Variants in CCSER1 observed in about 807,000 individuals in gnomAD.
CCSER1 encodes serine-rich coiled-coil domain-containing protein 1.
CCSER1 carries 41 observed loss-of-function variants against 82.0 expected under a neutral mutation model. That is an observed-to-expected ratio of 0.50 (90% CI 0.39 to 0.65). The LOEUF is 0.65. Ranked by LOEUF, CCSER1 falls within the 30% of genes least tolerant of loss-of-function variation. The pLI, the probability that CCSER1 is intolerant of heterozygous loss-of-function variation, is 0.00. For synonymous variants in CCSER1, 414 were observed against 383.9 expected (o/e 1.08, Z -0.92); for missense variants, 1,119 against 1,064.2 (o/e 1.05, Z -0.72).
chr4:90,896,715 T>C (rs1723774542), intron 8 of CCSER1, among the ~76,000 whole-genome samples: 1 of 151,962 alleles, frequency 6.6e-6, no homozygotes. Flanking sequence ...TTATTTCTAG[T>C]GACATTTTTG....
At chr4:90,741,556 A>G (rs1746557117) in intron 7 of CCSER1, among the ~76,000 whole-genome samples, 3 of 152,362 alleles carry the variant, frequency 2.0e-5, no homozygotes, top group African/African-American at 7.2e-5. Flanking sequence ...TATTTTTGAT[A>G]TAATATCATT....
chr4:91,014,672 G>A (rs1254407849), intron 9 of CCSER1, among the ~76,000 whole-genome samples: 16 of 82,464 alleles, frequency 1.9e-4, no homozygotes, highest in East Asian at 5.2e-4. Context: ...CAAAGTCTAA[G>A]CAAATGTAAA....
intron 4 of CCSER1, among the ~76,000 whole-genome samples, chr4:90,410,096 A>G (rs896566067): frequency 1.3e-5 from 2 of 152,218 alleles, no homozygotes; most frequent in African/African-American, 4.8e-5. Flanking sequence ...CTAAATATGC[A>G]TGCACCCATT....
At chr4:90,153,411 T>G (rs992482634) in intron 1 of CCSER1, among the ~76,000 whole-genome samples, 48 of 152,254 alleles carry the variant, frequency 3.2e-4, no homozygotes, top group African/African-American at 1.1e-3. Context: ...AGTAATGGGA[T>G]GGCTGGGTCA....
chr4:90,469,117 T>C (rs559901679), intron 5 of CCSER1, among the ~76,000 whole-genome samples: 15 of 152,218 alleles, frequency 9.9e-5, no homozygotes, highest in African/African-American at 3.6e-4. Flanking sequence ...GATTTTGGGC[T>C]GACCACCGTA....
intron 5 of CCSER1, among the ~76,000 whole-genome samples, chr4:90,521,735 C>T (rs962735314): frequency 6.6e-6 from 1 of 151,822 alleles, no homozygotes; most frequent in African/African-American, 2.4e-5. Context: ...ATAAATAAAA[C>T]TACTGACTTA....
rs568089617 is a variant in CCSER1 at position 91,225,999 on chromosome 4, T to A, written c.2217+140005T>A. Among the ~76,000 whole-genome samples the A allele has an allele frequency of 1.1e-4, 16 of 151,996 alleles. 1 individual carries two copies. In the South Asian group the frequency reaches 3.3e-3, roughly 31 times the overall value. ...TTGACAGACAAAAACATTAGCAGAATTAAATTCCTTTTTTTAAAATTATAC... is the reference window on the plus strand; with the variant it reads ...TTGACAGACAAAAACATTAGCAGAAATAAATTCCTTTTTTTAAAATTATAC... On this transcript the variant is annotated intron_variant, in intron 10 of 10. Coordinates refer to ENST00000509176, the MANE Select transcript of CCSER1 (RefSeq NM_001145065.2).
chr4:90,582,215 G>C (rs990775674), intron 5 of CCSER1, among the ~76,000 whole-genome samples: 1 of 152,092 alleles, frequency 6.6e-6, no homozygotes, highest in Admixed American at 6.5e-5. Flanking sequence ...TGTGGCTCAA[G>C]GCAGAATATT....
intron 10 of CCSER1, among the ~76,000 whole-genome samples, chr4:91,406,930 C>A (rs907044853): frequency 6.6e-6 from 1 of 152,048 alleles, no homozygotes; most frequent in African/African-American, 2.4e-5. Flanking sequence ...CACAACATGG[C>A]ACATTGAAGA....
At chr4:90,747,114 T>TA (rs920567484) in intron 7 of CCSER1, among the ~76,000 whole-genome samples, 30 of 151,398 alleles carry the variant, frequency 2.0e-4, no homozygotes, top group African/African-American at 7.0e-4. Flanking sequence ...AGACAGAAAA[T>TA]AAAAAAAGAA....
intron 5 of CCSER1, among the ~76,000 whole-genome samples, chr4:90,545,571 A>G (rs538145379): frequency 6.6e-6 from 1 of 152,132 alleles, no homozygotes; most frequent in South Asian, 2.1e-4. Flanking sequence ...GCCTTCAATC[A>G]TTACTCCTCA....
chr4:91,565,058 GT>G (rs1762824756), intron 10 of CCSER1, among the ~76,000 whole-genome samples: 1 of 144,366 alleles, frequency 6.9e-6, no homozygotes, highest in African/African-American at 2.5e-5. Context: ...GTGTGTGTGT[GT>G]GTGTGTGTGT....
At chr4:90,956,216 CAATAA>C (rs1451354360) in intron 9 of CCSER1, among the ~76,000 whole-genome samples, 1 of 152,058 alleles carries the variant, frequency 6.6e-6, no homozygotes, top group Non-Finnish European at 1.5e-5. Flanking sequence ...TATATAATTT[CAATAA>C]AATAAAAACC....
intron 9 of CCSER1, among the ~76,000 whole-genome samples, chr4:90,950,282 G>A (rs897204958): frequency 6.6e-6 from 1 of 152,000 alleles, no homozygotes; most frequent in African/African-American, 2.4e-5. Context: ...ATTTTTATTT[G>A]ATCATATAGC....
chr4:90,151,245 A>G (rs985176563), intron 1 of CCSER1, among the ~76,000 whole-genome samples: 1 of 152,112 alleles, frequency 6.6e-6, no homozygotes, highest in African/African-American at 2.4e-5. Context: ...ACCAGAGGTA[A>G]AATTGTACAG....
intron 5 of CCSER1, among the ~76,000 whole-genome samples, chr4:90,553,406 T>C (rs1419769103): frequency 1.3e-5 from 2 of 152,256 alleles, no homozygotes; most frequent in Admixed American, 6.5e-5. Flanking sequence ...ATAGTAACTT[T>C]AAGAAGAAAG....
At chr4:91,107,734 A>C (rs2148865687) in intron 10 of CCSER1, among the ~76,000 whole-genome samples, 1 of 151,938 alleles carries the variant, frequency 6.6e-6, no homozygotes, top group South Asian at 2.1e-4. Context: ...CCAGTAATAT[A>C]ATAGAAGATT....
At chr4:90,191,469 T>C (rs2153396835) in intron 1 of CCSER1, among the ~76,000 whole-genome samples, 1 of 152,038 alleles carries the variant, frequency 6.6e-6, no homozygotes, top group South Asian at 2.1e-4. Context: ...AAGTCCAAAT[T>C]ACCAAGAAGT....
At chr4:90,540,591 G>A (rs1775982183) in intron 5 of CCSER1, among the ~76,000 whole-genome samples, 1 of 152,078 alleles carries the variant, frequency 6.6e-6, no homozygotes, top group Admixed American at 6.6e-5. Flanking sequence ...GAGAGAAAAT[G>A]CCCATGGAGA....
Sources: allele counts gnomAD v4.1 joint callset (sites outside exome capture counted in the v4.1 genomes callset), GRCh38; gene constraint gnomAD v4.1.1; transcripts MANE v1.5; gene names NCBI Gene and HGNC (gene_info 2026-07-23, HGNC 2026-07-21).